The following CEP128 variants were observed in gnomAD, a reference collection of about 807,000 sequenced individuals.
CEP128 encodes centrosomal protein 128kDa.
Under a neutral mutation model 156.7 loss-of-function variants are expected in CEP128, and 132 were observed. That is an observed-to-expected ratio of 0.84 (90% CI 0.73 to 0.97). CEP128 has a LOEUF of 0.97. CEP128 is among the 50% of genes least tolerant of loss of function. The pLI, the probability that CEP128 is intolerant of heterozygous loss-of-function variation, is 0.00. For missense variants in CEP128, 1,252 were observed against 1,281.9 expected (o/e 0.98, Z 0.36); for synonymous variants, 469 against 448.9 (o/e 1.04, Z -0.57).
At chr14:80,744,309 A>G (rs899733167) in intron 18 of CEP128, among the ~76,000 whole-genome samples, 1 of 152,120 alleles carries the variant, frequency 6.6e-6, no homozygotes, top group Non-Finnish European at 1.5e-5. Flanking sequence ...TCCTAGTTAT[A>G]TATGAAATGT....
In CEP128 at chr14:80,660,879, T is replaced by C. The variant is rs1254671367; in HGVS notation, c.2807-80456A>G. Among the ~76,000 whole-genome samples, 4 of 152,192 alleles carry C rather than the reference T, an allele frequency of 2.6e-5. No individual in the cohort carries two copies. The South Asian group carries it at 6.2e-4, about 24-fold the overall frequency. The stretch of plus-strand genomic sequence containing the variant: ...CCCTGAGACATTCAGCAATATTTTA[T>C]CTACACTACCAATTTTACTCCAAAA... On this transcript the variant is annotated intron_variant, in intron 19 of 24. Coordinates refer to ENST00000555265, the MANE Select transcript of CEP128 (RefSeq NM_152446.5).
intron 19 of CEP128, among the ~76,000 whole-genome samples, chr14:80,583,698 C>T (rs1891684839): frequency 6.6e-6 from 1 of 152,226 alleles, no homozygotes; most frequent in African/African-American, 2.4e-5. Flanking sequence ...TTGAGGACTA[C>T]ATCCACCCTT....
At chr14:80,607,572 G>A (rs562369891) in intron 19 of CEP128, among the ~76,000 whole-genome samples, 3 of 152,146 alleles carry the variant, frequency 2.0e-5, no homozygotes, top group Non-Finnish European at 4.4e-5. Flanking sequence ...CATGGATCAA[G>A]ATACTGTTAA....
At chr14:80,792,245 T>C (rs1901746325) in intron 14 of CEP128, among the ~76,000 whole-genome samples, 1 of 152,242 alleles carries the variant, frequency 6.6e-6, no homozygotes, top group South Asian at 2.1e-4. Flanking sequence ...CCCATAACAC[T>C]GCTCAGTCAG....
chr14:80,844,012 CTTT>C (rs1191667085), intron 9 of CEP128, among the ~76,000 whole-genome samples: 1 of 151,858 alleles, frequency 6.6e-6, no homozygotes, highest in African/African-American at 2.4e-5. Context: ...TTAACACATA[CTTT>C]TTTTGTCATG....
intron 19 of CEP128, among the ~76,000 whole-genome samples, chr14:80,637,249 G>A (rs953842112): frequency 6.6e-6 from 1 of 151,968 alleles, no homozygotes; most frequent in Non-Finnish European, 1.5e-5. Flanking sequence ...CATATCCCTG[G>A]AGCCATGTTA....
rs1473697908 is a variant in CEP128 at position 80,761,459 on chromosome 14, T to C, written c.2531A>G (p.Lys844Arg). The C allele has an allele frequency of 6.2e-7, 1 of 1,609,524 alleles. No individual in the cohort carries two copies. Residue 844 changes from lysine to arginine, a missense_variant, in exon 17 of 25, where the codon AAG (lysine) becomes AGG (arginine). By Grantham distance (26) the Lys-to-Arg change is conservative. Transcript: ENST00000555265. ...EIDAACKTFS[K>R]DSVEKLKVFS... ...TACTTTTAATTTCTCCACTGAGTCC[T>C]TGGAGAATGTTTTACAAGCTGCATC...
At chr14:80,508,104 C>T (rs367640603) in intron 23 of CEP128, among the ~76,000 whole-genome samples, 28 of 152,086 alleles carry the variant, frequency 1.8e-4, no homozygotes, top group African/African-American at 6.7e-4. Context: ...TTAGTAGAGA[C>T]AGGGTTTCGC....
intron 18 of CEP128, among the ~76,000 whole-genome samples, chr14:80,751,341 C>T (rs1899382155): frequency 6.6e-6 from 1 of 151,982 alleles, no homozygotes; most frequent in Non-Finnish European, 1.5e-5. Context: ...AAATATCAAC[C>T]TATGGAAATT....
At chr14:80,515,571 T>G (rs753267118) in intron 23 of CEP128, among the ~76,000 whole-genome samples, 7 of 152,142 alleles carry the variant, frequency 4.6e-5, no homozygotes, top group Non-Finnish European at 8.8e-5. Context: ...TCATTCAGGT[T>G]GCGGTGAATG....
intron 2 of CEP128, among the ~76,000 whole-genome samples, chr14:80,923,509 G>C (rs879521746): frequency 6.6e-6 from 1 of 152,138 alleles, no homozygotes; most frequent in Non-Finnish European, 1.5e-5. Flanking sequence ...AAACAATTAG[G>C]ATTTGCAAGC....
In CEP128 at chr14:80,836,221, G is replaced by A. The variant is rs749227918; in HGVS notation, c.1041C>T (p.Asp347=). ...TACTTTTACCTCTCCTAAATCTCCA[G>A]TCCTCCCCTTGTTCATCCTGATAGT... is the stretch of plus-strand genomic sequence containing the variant. ...QSNYQDEQGE[D]WRFRRGVERE... is the part of the protein sequence containing the mutation. The change falls in exon 12 of 25, where the codon GAC becomes GAT. Residue 347 remains aspartate (D), a synonymous_variant. Coordinates refer to ENST00000555265, the MANE Select transcript of CEP128 (RefSeq NM_152446.5). 6.2e-7 allele frequency: 1 copy of A among 1,613,876 alleles called. No individual in the cohort carries two copies. The highest frequency in any genetic ancestry group is 8.5e-7 in the Non-Finnish European group (1 of 1,179,836).
intron 21 of CEP128, among the ~76,000 whole-genome samples, chr14:80,558,228 T>C (rs897685942): frequency 1.3e-5 from 2 of 152,136 alleles, no homozygotes; most frequent in Non-Finnish European, 2.9e-5. Context: ...ATAACCACTG[T>C]GGCATGTTGG....
intron 19 of CEP128, among the ~76,000 whole-genome samples, chr14:80,715,591 A>G (rs1897574236): frequency 6.6e-6 from 1 of 152,294 alleles, no homozygotes; most frequent in Non-Finnish European, 1.5e-5. Flanking sequence ...GATGAGAAGG[A>G]AAAAAAGCAT....
chr14:80,778,019 C>G lies in CEP128; in HGVS notation c.2239G>C (p.Ala747Pro). The G allele has an allele frequency of 1.9e-6, 3 of 1,613,228 alleles. No individual in the cohort carries two copies. The highest frequency in any genetic ancestry group is 2.5e-6 in the Non-Finnish European group (3 of 1,179,808). The change falls in exon 16 of 25, where the codon GCT becomes CCT. Residue 747 changes from alanine to proline, a missense_variant. By Grantham distance (27) the Ala-to-Pro change is conservative. Transcript: ENST00000555265. ...KAESLEEKNM[A>P]KIHRGQLEKL... is the part of the protein sequence containing the mutation. ...TCCAGCTGACCACGATGAATTTTAG[C>G]CATATTCTTCTCTTCTAAACTTTCA...
At chr14:80,511,074 T>TG (rs1301695833) in intron 23 of CEP128, among the ~76,000 whole-genome samples, 19 of 147,376 alleles carry the variant, frequency 1.3e-4, no homozygotes, top group African/African-American at 3.7e-4. Context: ...CCTTTTTTTT[T>TG]TTTATATGTC....
intron 8 of CEP128, among the ~76,000 whole-genome samples, chr14:80,871,613 CTAA>C (rs1317768163): frequency 1.3e-5 from 2 of 152,018 alleles, no homozygotes; most frequent in African/African-American, 4.8e-5. Context: ...GACATAATTC[CTAA>C]TAATAAGAAT....
chr14:80,940,568 A>G (rs1886090379), intron 1 of CEP128, among the ~76,000 whole-genome samples: 1 of 151,134 alleles, frequency 6.6e-6, no homozygotes, highest in African/African-American at 2.4e-5. Flanking sequence ...AATCCCAGCT[A>G]CTCCGGAGGC....
rs115263337 is a variant in CEP128, at chr14:80,523,389, C to T, written c.3072+3480G>A. On this transcript the variant is annotated intron_variant, in intron 23 of 24. Transcript: ENST00000555265. Reference sequence around the variant, plus strand: ...AACCCCCAATGCAGTTTATTGGGGCCACTTTTTTGGGGCCACCTTTATAGC... The same window carrying T: ...AACCCCCAATGCAGTTTATTGGGGCTACTTTTTTGGGGCCACCTTTATAGC... Among the ~76,000 whole-genome samples the T allele has an allele frequency of 5.6e-3, 850 of 152,232 alleles. 5 individuals are homozygous for T. Among genetic ancestry groups the T allele is most frequent in the African/African-American group, 0.019 (809 of 41,550 alleles).
Sources: allele counts gnomAD v4.1 joint callset (sites outside exome capture counted in the v4.1 genomes callset), GRCh38; gene constraint gnomAD v4.1.1; transcripts MANE v1.5; gene names NCBI Gene and HGNC (gene_info 2026-07-23, HGNC 2026-07-21).